CRYL1: variants seen among roughly 807,000 people sequenced by gnomAD.
CRYL1 encodes lambda-crystallin homolog.
Under a neutral mutation model 36.6 loss-of-function variants are expected in CRYL1, and 29 were observed. The ratio of observed to expected loss-of-function variants is 0.79; its 90% CI spans 0.59 to 1.08. CRYL1 has a LOEUF of 1.08. CRYL1 is among the 50% of genes least tolerant of loss of function. CRYL1 has a pLI of 0.00. For synonymous variants in CRYL1, 152 were observed against 151.5 expected, an observed-to-expected ratio of 1.00 and a Z score of -0.02; for missense variants, 411 against 407.9, an observed-to-expected ratio of 1.01 and a Z score of -0.06.
At chr13:20,414,362 T>C (rs1465386216) in intron 5 of CRYL1, among the ~76,000 whole-genome samples, 1 of 151,860 alleles carries the variant, frequency 6.6e-6, no homozygotes, top group Non-Finnish European at 1.5e-5. Context: ...CCTGCCTCCT[T>C]AGCTCACCCT....
At chr13:20,493,237 A>G (rs2033544519) in intron 2 of CRYL1, among the ~76,000 whole-genome samples, 1 of 152,206 alleles carries the variant, frequency 6.6e-6, no homozygotes, top group Non-Finnish European at 1.5e-5. Flanking sequence ...TGAGCTTACT[A>G]CCATGACTTC....
chr13:20,518,583 T>G (rs113964923), intron 1 of CRYL1, among the ~76,000 whole-genome samples: 2 of 152,254 alleles, frequency 1.3e-5, no homozygotes, highest in African/African-American at 4.8e-5. Context: ...CTGAGTGAGA[T>G]AGTTGGCTAA....
At chr13:20,404,365 C>A in intron 7 of CRYL1, 123 bp from the exon 8 acceptor site, 2 of 666,918 alleles carry the variant, frequency 3.0e-6, no homozygotes, top group Middle Eastern at 3.5e-4. Flanking sequence ...GCAATAAACC[C>A]TCAATGAACA....
intron 5 of CRYL1, among the ~76,000 whole-genome samples, chr13:20,421,299 G>A (rs2031808398): frequency 6.6e-6 from 1 of 152,190 alleles, no homozygotes; most frequent in Non-Finnish European, 1.5e-5. Flanking sequence ...GTGTATGAAT[G>A]TGAATACATT....
intron 3 of CRYL1, among the ~76,000 whole-genome samples, chr13:20,484,366 A>G (rs558649975): frequency 6.6e-6 from 1 of 152,310 alleles, no homozygotes; most frequent in East Asian, 1.9e-4. Context: ...CTCAGCTTTA[A>G]TGGAATTCTT....
chr13:20,502,406 A>C (rs894819930), intron 2 of CRYL1: 1 of 152,294 alleles, frequency 6.6e-6, no homozygotes, highest in African/African-American at 2.4e-5. Context: ...TAATCCCAGC[A>C]CTTTGGGAGG....
chr13:20,499,235 A>G (rs1404415919), intron 2 of CRYL1, among the ~76,000 whole-genome samples: 3 of 151,436 alleles, frequency 2.0e-5, no homozygotes, highest in Non-Finnish European at 4.4e-5. Flanking sequence ...AGTCTCAGCT[A>G]CTCTGGAGGC....
intron 3 of CRYL1, among the ~76,000 whole-genome samples, chr13:20,463,349 C>T (rs2032870080): frequency 6.6e-6 from 1 of 152,164 alleles, no homozygotes; most frequent in African/African-American, 2.4e-5. Context: ...ACTATACATG[C>T]AGGCTTGCAG....
chr13:20,413,077 C>CCT (rs2031564848), intron 6 of CRYL1, among the ~76,000 whole-genome samples: 1 of 152,186 alleles, frequency 6.6e-6, no homozygotes, highest in Non-Finnish European at 1.5e-5. Flanking sequence ...CACACGGAGC[C>CCT]CTGAGGTGCA....
chr13:20,487,250 G>GAAA (rs60622317), intron 3 of CRYL1, among the ~76,000 whole-genome samples: 13 of 148,356 alleles, frequency 8.8e-5, no homozygotes, highest in Admixed American at 4.0e-4. Context: ...TTCTTTAAAA[G>GAAA]AAAAAAAAAA....
chr13:20,456,190 A>ATTTCTTAAT (rs2032677592), intron 3 of CRYL1, among the ~76,000 whole-genome samples: 1 of 152,092 alleles, frequency 6.6e-6, no homozygotes, highest in East Asian at 1.9e-4. Context: ...AAATAATACA[A>ATTTCTTAAT]TGACCGGATG....
intron 1 of CRYL1, chr13:20,513,735 A>G (rs979616283): frequency 2.6e-5 from 4 of 152,194 alleles, no homozygotes; most frequent in Middle Eastern, 3.2e-3. Flanking sequence ...GGGTTGTTCA[A>G]AGAGTGAAAA....
At chr13:20,430,772 A>G in intron 5 of CRYL1, 1 of 985,390 alleles carries the variant, frequency 1.0e-6, no homozygotes. Context: ...GTAAAACCCC[A>G]CAAGGTTTAA....
At chr13:20,438,519 C>G (rs772538955) in intron 4 of CRYL1, among the ~76,000 whole-genome samples, 1 of 152,316 alleles carries the variant, frequency 6.6e-6, no homozygotes, top group Middle Eastern at 3.4e-3. Flanking sequence ...TGTTACTAAG[C>G]CTTCCAGTGT....
Position 20,525,742 on chromosome 13 carries a change from G to A in CRYL1, c.41+12C>T, listed in dbSNP as rs966679601. ...GGCTCCAGGGGCAGCAGCGCGGCTC[G>A]GAGCCCTTTACCTGCCAACGATCAC... On this transcript the variant is annotated intron_variant, in intron 1 of 7. Coordinates refer to ENST00000298248, the MANE Select transcript of CRYL1 (RefSeq NM_015974.3). This position sits in a 1 kb window ranked among gnomAD's most constrained non-coding sequence, Gnocchi z 4.3. 1 of 1,346,650 alleles carries A rather than the reference G, an allele frequency of 7.4e-7. No individual in the cohort carries two copies. Among genetic ancestry groups the A allele is most frequent in the Non-Finnish European group, 9.6e-7 (1 of 1,045,148 alleles). 83.4% of individuals were successfully genotyped at this position (1,346,650 alleles called of 1,614,324 possible). A position where few individuals can be genotyped will look rare whatever the true frequency, so the allele number is the denominator to read the frequency against.
chr13:20,525,626 T>C lies in CRYL1; in HGVS notation c.41+128A>G. The C allele has an allele frequency of 1.3e-6, 1 of 764,568 alleles. No individual in the cohort carries two copies. The allele number at this position is 764,568 out of a possible 1,614,324, so 47.4% of individuals were successfully genotyped here. On this transcript the variant is annotated intron_variant, in intron 1 of 7. Coordinates refer to ENST00000298248, the MANE Select transcript of CRYL1 (RefSeq NM_015974.3). This position sits in a 1 kb window ranked among gnomAD's most constrained non-coding sequence, Gnocchi z 4.3. ...CCGTAGGGGCCGCAGGGCGCAGGGC[T>C]TCGGAGGACCGGAGGCCGGGGCGGG...
chr13:20,472,277 T>C (rs4576923), intron 3 of CRYL1, among the ~76,000 whole-genome samples: 35,683 of 152,138 alleles, frequency 0.23, 7,805 homozygotes, highest in African/African-American at 0.57. Flanking sequence ...GTAAATGCTA[T>C]GTATATAGTT....
intron 3 of CRYL1, among the ~76,000 whole-genome samples, chr13:20,451,917 G>C (rs1027121281): frequency 1.3e-5 from 2 of 151,978 alleles, no homozygotes; most frequent in Non-Finnish European, 2.9e-5. Flanking sequence ...AAGAAAATGT[G>C]GTACATATAG....
chr13:20,471,521 C>T (rs1225790974), intron 3 of CRYL1, among the ~76,000 whole-genome samples: 5 of 152,002 alleles, frequency 3.3e-5, no homozygotes, highest in African/African-American at 9.6e-5. Flanking sequence ...AGGAGAATGG[C>T]GTGAACCCAG....
Sources: gnomAD v4.1 joint callset for allele counts (sites outside exome capture counted in the v4.1 genomes callset) on GRCh38, gnomAD v4.1.1 for gene constraint, Gnocchi (gnomAD v3.1) non-coding constraint, MANE v1.5 for transcripts, NCBI Gene and HGNC (gene_info 2026-07-23, HGNC 2026-07-21) for gene names.